PRMT3: variants seen among roughly 807,000 people sequenced by gnomAD.
PRMT3 encodes the protein protein arginine N-methyltransferase 3.
PRMT3 carries 62 observed loss-of-function variants against 71.9 expected under a neutral mutation model. The observed-to-expected ratio is 0.86, with a 90% CI of 0.70 to 1.07. The LOEUF is 1.07. Among genes scored for constraint, PRMT3 ranks in the 50% least tolerant of loss-of-function variants. PRMT3 has a pLI of 0.00. For synonymous variants in PRMT3, 213 were observed against 220.4 expected, an observed-to-expected ratio of 0.97 and a Z score of 0.30; for missense variants, 663 against 643.0, an observed-to-expected ratio of 1.03 and a Z score of -0.34.
chr11:20,390,982 G>A (rs890579032), intron 3 of PRMT3, among the ~76,000 whole-genome samples: 11 of 152,030 alleles, frequency 7.2e-5, no homozygotes, highest in Non-Finnish European at 1.3e-4. Flanking sequence ...CCCGGGAGGC[G>A]GAGGTTGCAG....
At chr11:20,499,131 A>C (rs1311961964) in intron 15 of PRMT3, among the ~76,000 whole-genome samples, 1 of 152,260 alleles carries the variant, frequency 6.6e-6, no homozygotes, top group Admixed American at 6.5e-5. Flanking sequence ...ATATATGGCA[A>C]TGATAACCAA....
At chr11:20,428,468 T>A (rs1374061441) in intron 10 of PRMT3, among the ~76,000 whole-genome samples, 2 of 152,218 alleles carry the variant, frequency 1.3e-5, no homozygotes, top group African/African-American at 4.8e-5. Flanking sequence ...CCTAGCAGAA[T>A]TATACTGCTG....
chr11:20,397,860 T>A, intron 7 of PRMT3, 139 bp downstream of exon 7: 1 of 825,830 alleles, frequency 1.2e-6, no homozygotes, highest in Non-Finnish European at 1.8e-6. Flanking sequence ...CTTTGGTGCT[T>A]GGTATCTCAT....
intron 10 of PRMT3, among the ~76,000 whole-genome samples, chr11:20,445,874 G>A (rs1850016091): frequency 6.6e-6 from 1 of 152,056 alleles, no homozygotes; most frequent in South Asian, 2.1e-4. Flanking sequence ...ACTCAGTCAT[G>A]TTCATAACAT....
chr11:20,445,366 AC>A lies in PRMT3; in HGVS notation c.994-6760del, dbSNP rs560245214. On this transcript the variant is annotated intron_variant, in intron 10 of 15. Transcript: ENST00000331079. ...AGAGTTAGTCTCCTTCCCTTCCTATACCCCTACTATTATATTCCATACACAG... is the reference window on the plus strand; with the variant it reads ...AGAGTTAGTCTCCTTCCCTTCCTATACCCTACTATTATATTCCATACACAG... Among the ~76,000 whole-genome samples, 8 of 152,066 alleles carry A rather than the reference AC, an allele frequency of 5.3e-5. No individual in the cohort carries two copies. In the South Asian group the frequency reaches 1.7e-3, roughly 32 times the overall value.
chr11:20,480,589 G>A (rs927543396), intron 13 of PRMT3, among the ~76,000 whole-genome samples: 1 of 152,098 alleles, frequency 6.6e-6, no homozygotes, highest in African/African-American at 2.4e-5. Context: ...AAAGATTGTG[G>A]CTAGAATATG....
rs139102600 is a variant in PRMT3 at position 20,484,208 on chromosome 11, A to G, written c.1348-9711A>G. 6.6e-5 allele frequency among the ~76,000 whole-genome samples: 10 copies of G among 152,338 alleles called. No homozygotes were observed. The East Asian group carries it at 1.7e-3, about 26-fold the overall frequency. On this transcript the variant is annotated intron_variant, in intron 13 of 15. Transcript: ENST00000331079. ...ATGGTAAGACTGCCCTTAAAGGGCT[A>G]TTGGGATCTACAAGTGAACAAAGAC...
Position 20,426,764 on chromosome 11 carries a change from A to C in PRMT3, c.894-2A>C, listed in dbSNP as rs61876934. 1 of 1,466,984 alleles carries C rather than the reference A, an allele frequency of 6.8e-7. No homozygotes were observed. The highest frequency in any genetic ancestry group is 9.0e-7 in the Non-Finnish European group (1 of 1,114,362). The allele number at this position is 1,466,984 out of a possible 1,614,324, so 90.9% of individuals were successfully genotyped here. A position where few individuals can be genotyped will look rare whatever the true frequency, so the allele number is the denominator to read the frequency against. ...ACTAATCTAATTCATTATAATTTTC[A>C]GACTAAATAAACTTGAAGATACTAT... On this transcript the variant is annotated splice_acceptor_variant, in intron 9 of 15. Coordinates refer to ENST00000331079, the MANE Select transcript of PRMT3 (RefSeq NM_005788.4). LOFTEE classifies it high-confidence loss of function.
At chr11:20,482,689 A>G (rs920074746) in intron 13 of PRMT3, among the ~76,000 whole-genome samples, 1 of 152,076 alleles carries the variant, frequency 6.6e-6, no homozygotes, top group Non-Finnish European at 1.5e-5. Context: ...GCTTATTTTA[A>G]CTTAGGCACT....
intron 11 of PRMT3, among the ~76,000 whole-genome samples, chr11:20,457,095 T>G (rs539530486): frequency 6.6e-6 from 1 of 152,212 alleles, no homozygotes; most frequent in African/African-American, 2.4e-5. Context: ...AGGCTGGTCT[T>G]GATCTCTTGA....
intron 10 of PRMT3, among the ~76,000 whole-genome samples, chr11:20,430,041 G>A (rs573685136): frequency 2.0e-5 from 3 of 152,234 alleles, no homozygotes; most frequent in South Asian, 2.1e-4. Context: ...TGTTTCAGGC[G>A]CATTGGCTGA....
chr11:20,437,430 G>T (rs964730676), intron 10 of PRMT3, among the ~76,000 whole-genome samples: 2 of 152,182 alleles, frequency 1.3e-5, no homozygotes, highest in Admixed American at 6.5e-5. Flanking sequence ...GGAAAGATTA[G>T]TGTTCCAGTT....
At chr11:20,486,468 A>G (rs972293571) in intron 13 of PRMT3, among the ~76,000 whole-genome samples, 3 of 152,102 alleles carry the variant, frequency 2.0e-5, no homozygotes, top group African/African-American at 7.2e-5. Flanking sequence ...GATAATTTCT[A>G]TAATTGGTAA....
chr11:20,494,891 G>A (rs1851297774), intron 15 of PRMT3, among the ~76,000 whole-genome samples: 1 of 152,096 alleles, frequency 6.6e-6, no homozygotes, highest in Admixed American at 6.5e-5. Context: ...AGTGACTGAA[G>A]AGAAATATTA....
intron 7 of PRMT3, 107 bp downstream of exon 7, chr11:20,397,828 G>C: frequency 8.4e-7 from 1 of 1,191,054 alleles, no homozygotes; most frequent in Non-Finnish European, 1.1e-6. Flanking sequence ...TTTGGGTGGG[G>C]AGAACTGCTT....
At chr11:20,461,500 TATAA>T (rs1850382150) in intron 11 of PRMT3, among the ~76,000 whole-genome samples, 1 of 152,338 alleles carries the variant, frequency 6.6e-6, no homozygotes. Flanking sequence ...ACTTTATGCT[TATAA>T]ATATTTTTCT....
At chr11:20,458,395 G>A (rs981268715) in intron 11 of PRMT3, among the ~76,000 whole-genome samples, 3 of 152,186 alleles carry the variant, frequency 2.0e-5, no homozygotes, top group Admixed American at 6.5e-5. Flanking sequence ...CACCATGTGA[G>A]CCATTCTAGT....
At position 20,426,952 on chromosome 11, in the gene PRMT3, G is replaced by C. The variant is rs36099143; in HGVS notation, c.993+87G>C. 8,181 of 1,419,912 alleles carry C rather than the reference G, an allele frequency of 5.8e-3. 384 individuals carry two copies. The African/African-American group carries it at 0.1, about 18-fold the overall frequency. 88.0% of individuals were successfully genotyped at this position (1,419,912 alleles called of 1,614,324 possible). A position where few individuals can be genotyped will look rare whatever the true frequency, so the allele number is the denominator to read the frequency against. On this transcript the variant is annotated intron_variant, in intron 10 of 15. Coordinates refer to ENST00000331079, the MANE Select transcript of PRMT3 (RefSeq NM_005788.4). ...AGTTTTCATGAATTTAATTATATTTGATACATGGCAGAATGGTGACATTAT... is the reference window on the plus strand; with the variant it reads ...AGTTTTCATGAATTTAATTATATTTCATACATGGCAGAATGGTGACATTAT...
chr11:20,424,832 A>G (rs553353139), intron 9 of PRMT3, among the ~76,000 whole-genome samples: 11 of 152,210 alleles, frequency 7.2e-5, no homozygotes, highest in African/African-American at 1.9e-4. Flanking sequence ...TAATAAGAAT[A>G]CAACTGGGCT....
Sources: gnomAD v4.1 joint callset for allele counts (sites outside exome capture counted in the v4.1 genomes callset) on GRCh38, gnomAD v4.1.1 for gene constraint, MANE v1.5 for transcripts, NCBI Gene and HGNC (gene_info 2026-07-23, HGNC 2026-07-21) for gene names.